The following ZNF385D variants were observed in gnomAD, a reference collection of about 807,000 sequenced individuals.
ZNF385D encodes the protein zinc finger protein 385D, also known as zinc finger protein 659.
Under a neutral mutation model 35.8 loss-of-function variants are expected in ZNF385D, and 15 were observed. That is an observed-to-expected ratio of 0.42 (90% CI 0.28 to 0.64). The LOEUF (loss-of-function observed/expected upper bound fraction) is 0.64, where lower values mean the gene tolerates loss of function less well. Ranked by LOEUF, ZNF385D falls within the 30% of genes least tolerant of loss-of-function variation. The pLI, the probability that ZNF385D is intolerant of heterozygous loss-of-function variation, is 0.23. For synonymous variants in ZNF385D, 212 were observed against 186.8 expected, an observed-to-expected ratio of 1.13 and a Z score of -1.10; for missense variants, 474 against 494.6, an observed-to-expected ratio of 0.96 and a Z score of 0.39.
intron 3 of ZNF385D, among the ~76,000 whole-genome samples, chr3:21,928,323 G>C (rs1700842696): frequency 6.9e-6 from 1 of 144,234 alleles, no homozygotes. Context: ...GAGGGAGGAA[G>C]GAAGGAAGGA....
chr3:21,578,760 G>A (rs1167831221), intron 2 of ZNF385D, among the ~76,000 whole-genome samples: 1 of 152,118 alleles, frequency 6.6e-6, no homozygotes, highest in African/African-American at 2.4e-5. Flanking sequence ...TTGAAGTCAG[G>A]TAGTGTAACG....
At chr3:22,157,019 C>T (rs1705632727) in intron 3 of ZNF385D, among the ~76,000 whole-genome samples, 1 of 152,128 alleles carries the variant, frequency 6.6e-6, no homozygotes, top group Non-Finnish European at 1.5e-5. Flanking sequence ...CAACCACTTC[C>T]TCTTTTTCTG....
At chr3:22,173,551 G>C (rs900207882) in intron 2 of ZNF385D, among the ~76,000 whole-genome samples, 2 of 152,162 alleles carry the variant, frequency 1.3e-5, no homozygotes, top group African/African-American at 4.8e-5. Flanking sequence ...GGAACCTCTT[G>C]AGAACTTGTG....
chr3:21,794,418 T>C (rs2072060782), intron 3 of ZNF385D, among the ~76,000 whole-genome samples: 1 of 151,986 alleles, frequency 6.6e-6, no homozygotes, highest in South Asian at 2.1e-4. Context: ...ACACAGTGGA[T>C]TAGAAAGTTT....
chr3:21,940,184 T>C (rs1310657144), intron 3 of ZNF385D, among the ~76,000 whole-genome samples: 3 of 152,174 alleles, frequency 2.0e-5, no homozygotes, highest in African/African-American at 7.2e-5. Context: ...TACTGATATT[T>C]CTCTATTCCT....
chr3:21,847,099 C>T (rs375164703), intron 3 of ZNF385D, among the ~76,000 whole-genome samples: 169 of 152,146 alleles, frequency 1.1e-3, no homozygotes, highest in African/African-American at 3.6e-3. Context: ...CCCCTACCAG[C>T]TGTCAAAGAT....
chr3:21,982,634 G>A (rs1009250583), intron 3 of ZNF385D, among the ~76,000 whole-genome samples: 1 of 152,096 alleles, frequency 6.6e-6, no homozygotes, highest in Non-Finnish European at 1.5e-5. Flanking sequence ...AACAAAAGTG[G>A]TGACAGACAG....
intron 2 of ZNF385D, among the ~76,000 whole-genome samples, chr3:21,640,743 T>G (rs1411674933): frequency 3.9e-5 from 6 of 152,142 alleles, no homozygotes; most frequent in Non-Finnish European, 8.8e-5. Flanking sequence ...TATTTTGTTA[T>G]AGAAGCCAGA....
At chr3:22,027,955 T>C (rs1251187374) in intron 3 of ZNF385D, among the ~76,000 whole-genome samples, 1 of 152,140 alleles carries the variant, frequency 6.6e-6, no homozygotes, top group African/African-American at 2.4e-5. Flanking sequence ...TTCTAGGACA[T>C]CCCTGAAGGA....
At chr3:22,078,041 A>C (rs755878838) in intron 3 of ZNF385D, among the ~76,000 whole-genome samples, 1 of 152,000 alleles carries the variant, frequency 6.6e-6, no homozygotes, top group Non-Finnish European at 1.5e-5. Flanking sequence ...AAAACTGAAG[A>C]CAATCTATCT....
chr3:21,639,904 G>T (rs2065552598), intron 2 of ZNF385D, among the ~76,000 whole-genome samples: 2 of 151,916 alleles, frequency 1.3e-5, no homozygotes, highest in Non-Finnish European at 2.9e-5. Context: ...AGAAAATTGA[G>T]ACCAAACATT....
chr3:21,659,392 A>C (rs1204051453), intron 2 of ZNF385D, among the ~76,000 whole-genome samples: 1 of 152,134 alleles, frequency 6.6e-6, no homozygotes, highest in Non-Finnish European at 1.5e-5. Flanking sequence ...TTCCTCAGCA[A>C]CATTTTTGAG....
At chr3:21,424,583 G>C (rs1310431981) in intron 6 of ZNF385D, among the ~76,000 whole-genome samples, 1 of 150,110 alleles carries the variant, frequency 6.7e-6, no homozygotes, top group South Asian at 2.1e-4. Context: ...AAAGTGCTGA[G>C]ATTACAGGCG....
chr3:22,251,400 G>A (rs1700058122), intron 2 of ZNF385D, among the ~76,000 whole-genome samples: 2 of 152,132 alleles, frequency 1.3e-5, no homozygotes, highest in Non-Finnish European at 2.9e-5. Context: ...ATAATACCAT[G>A]TATTACAATG....
chr3:21,832,501 G>A (rs1044142071), intron 3 of ZNF385D, among the ~76,000 whole-genome samples: 1 of 152,172 alleles, frequency 6.6e-6, no homozygotes, highest in Non-Finnish European at 1.5e-5. Flanking sequence ...GCTTCCTCAT[G>A]ATTACAGAAA....
chr3:22,050,337 G>C (rs992619849), intron 3 of ZNF385D, among the ~76,000 whole-genome samples: 8 of 152,046 alleles, frequency 5.3e-5, no homozygotes, highest in African/African-American at 1.9e-4. Flanking sequence ...ACTCCAGCCT[G>C]AGTGACAGAG....
At chr3:22,290,866 G>A (rs1204842555) in intron 2 of ZNF385D, among the ~76,000 whole-genome samples, 1 of 152,070 alleles carries the variant, frequency 6.6e-6, no homozygotes, top group African/African-American at 2.4e-5. Flanking sequence ...GCTTTTAATG[G>A]CTCTGTAGTA....
intron 2 of ZNF385D, among the ~76,000 whole-genome samples, chr3:21,575,273 G>A (rs1187698017): frequency 6.6e-6 from 1 of 152,158 alleles, no homozygotes; most frequent in Non-Finnish European, 1.5e-5. Context: ...TCTGTGCAGG[G>A]TGGAGGTGGG....
chr3:21,457,345 TC>T, intron 4 of ZNF385D, among the ~76,000 whole-genome samples: 1 of 89,798 alleles, frequency 1.1e-5, no homozygotes, highest in Non-Finnish European at 3.0e-5. Flanking sequence ...TTTGTTGTTG[TC>T]GTTGTTGTTG....
Sources: gnomAD v4.1 joint callset for allele counts (sites outside exome capture counted in the v4.1 genomes callset) on GRCh38, gnomAD v4.1.1 for gene constraint, MANE v1.5 for transcripts, NCBI Gene and HGNC (gene_info 2026-07-23, HGNC 2026-07-21) for gene names.